SHMT2: variants seen among roughly 807,000 people sequenced by gnomAD.
SHMT2 encodes serine hydroxymethyltransferase 2.
A neutral mutation model predicts 59.6 loss-of-function variants in SHMT2; 38 were observed. The ratio of observed to expected loss-of-function variants is 0.64; its 90% CI spans 0.49 to 0.84. SHMT2 has a LOEUF of 0.84. SHMT2 is among the 40% of genes least tolerant of loss of function. SHMT2 has a pLI of 0.00. For synonymous variants in SHMT2, 254 were observed against 258.1 expected, an observed-to-expected ratio of 0.98 and a Z score of 0.15; for missense variants, 533 against 659.5, an observed-to-expected ratio of 0.81 and a Z score of 2.10.
chr12:57,230,573 T>G, intron 1 of SHMT2: 1 of 1,400,682 alleles, frequency 7.1e-7, no homozygotes, highest in Non-Finnish European at 9.3e-7. Flanking sequence ...GGTGGGAGAT[T>G]TCTGAGGTGC....
At chr12:57,231,196 A>G in intron 2 of SHMT2, 196 bp downstream of exon 2, 1 of 641,392 alleles carries the variant, frequency 1.6e-6, no homozygotes, top group Admixed American at 2.9e-5. Context: ...GGGAGCCTCC[A>G]GGGTCCCTAC....
chr12:57,232,322 C>T (rs746638857), intron 5 of SHMT2, 30 bp downstream of exon 5: 2 of 1,612,752 alleles, frequency 1.2e-6, no homozygotes, highest in Non-Finnish European at 1.7e-6. Context: ...GGGAGGGGCT[C>T]TTGGCCCTGG....
chr12:57,229,948 A>T, intron 1 of SHMT2, 137 bp downstream of exon 1: 1 of 1,482,272 alleles, frequency 6.7e-7, no homozygotes, highest in South Asian at 1.4e-5. Context: ...CGGACGTGTA[A>T]CTGGGGAATC....
Position 57,231,753 on chromosome 12 carries a change from C to G in SHMT2, c.352C>G (p.Leu118Val). ...GAEVVDEIELLCQRRALEAFD... is the reference protein window; with the variant it reads ...GAEVVDEIELVCQRRALEAFD... The stretch of plus-strand genomic sequence containing the variant: ...AGAGGTGGTGGATGAAATTGAGCTG[C>G]TGTGCCAGCGCCGGGCCTTGGAAGC... The change falls in exon 4 of 12, where the codon CTG (leucine) becomes GTG (valine). Residue 118 changes from leucine (L) to valine (V), a missense_variant. Physicochemically the swap from Leu to Val is conservative, Grantham distance 32 (BLOSUM62 1). Transcript: ENST00000328923. 1 of 1,614,182 alleles carries G rather than the reference C, an allele frequency of 6.2e-7. No individual in the cohort carries two copies. The highest frequency in any genetic ancestry group is 8.5e-7 in the Non-Finnish European group (1 of 1,180,036).
At chr12:57,232,989 C>T (rs1212947652) in intron 7 of SHMT2, 146 bp downstream of exon 7, 24 of 1,271,972 alleles carry the variant, frequency 1.9e-5, no homozygotes, top group Non-Finnish European at 1.5e-5. Context: ...CTTCTCTTGC[C>T]CATGGTGGCC....
In SHMT2 at chr12:57,233,771, G is replaced by A. The variant is rs1351112171; in HGVS notation, c.1146G>A (p.Val382=). 6.2e-7 allele frequency: 1 copy of A among 1,614,132 alleles called. No homozygotes were observed. Among genetic ancestry groups the A allele is most frequent in the African/African-American group, 1.3e-5 (1 of 74,954 alleles). Residue 382 remains valine, a synonymous_variant, in exon 10 of 12, where the codon GTG becomes GTA. Transcript: ENST00000328923. ...LVSGGTDNHL[V]LVDLRPKGLD... is the part of the protein sequence containing the mutation. ...TAGGTGGTACTGACAACCACCTGGT[G>A]CTGGTGGACCTGCGGCCCAAGGGCC...
intron 11 of SHMT2, 62 bp downstream of exon 11, chr12:57,234,172 C>A (rs964326364): frequency 1.9e-6 from 3 of 1,613,712 alleles, no homozygotes; most frequent in Middle Eastern, 1.6e-4. Flanking sequence ...CTCCCTCCCC[C>A]AGCTGATCTC....
rs764829768 is a variant in SHMT2, at chr12:57,231,521, G to A, written c.272G>A (p.Cys91Tyr). 3 of 1,614,234 alleles carry A rather than the reference G, an allele frequency of 1.9e-6. No homozygotes were observed. The highest frequency in any genetic ancestry group is 2.5e-6 in the Non-Finnish European group (3 of 1,180,036). The change falls in exon 3 of 12, where the codon TGT becomes TAT. Residue 91 changes from cysteine to tyrosine, a missense_variant. By Grantham distance (194) the Cys-to-Tyr change is radical (BLOSUM62 -2). Coordinates refer to ENST00000328923, the MANE Select transcript of SHMT2 (RefSeq NM_005412.6). ...SRAALEALGSCLNNKYSEGYP... is the reference protein window; with the variant it reads ...SRAALEALGSYLNNKYSEGYP... ...GCTGCGCTGGAGGCCCTGGGGTCCT[G>A]TCTGAACAACAAGTACTCGGAGGGT...
chr12:57,230,038 C>T (rs1393590676), intron 1 of SHMT2: 1 of 1,417,914 alleles, frequency 7.1e-7, no homozygotes. Context: ...GGCCTCGTGA[C>T]CGCCCATTTC....
In SHMT2 at chr12:57,234,033, G is replaced by A. The variant is rs189439132; in HGVS notation, c.1310G>A (p.Arg437His). Residue 437 changes from arginine to histidine, a missense_variant, in exon 11 of 12, where the codon CGT (arginine) becomes CAT (histidine). Coordinates refer to ENST00000328923, the MANE Select transcript of SHMT2 (RefSeq NM_005412.6). ...CCAGCCTTAACTTCTCGACAGTTCCGTGAGGATGACTTCCGGAGAGTTGTG... is the reference window on the plus strand; with the variant it reads ...CCAGCCTTAACTTCTCGACAGTTCCATGAGGATGACTTCCGGAGAGTTGTG... ...GAPALTSRQF[R>H]EDDFRRVVDF... 1,014 of 1,614,212 alleles carry A rather than the reference G, an allele frequency of 6.3e-4. 13 individuals are homozygous for A. The East Asian group carries it at 0.02, about 32-fold the overall frequency.
chr12:57,232,041 G>A lies in SHMT2; in HGVS notation c.512+128G>A, dbSNP rs551490616. 55 of 1,180,698 alleles carry A rather than the reference G, an allele frequency of 4.7e-5. 1 individual carries two copies. The South Asian group carries it at 7.0e-4, about 15-fold the overall frequency. The allele number at this position is 1,180,698 out of a possible 1,614,324, so 73.1% of individuals were successfully genotyped here. ...TTGCCCTGTCCTGCATGTCACAGTG[G>A]ATGAGGAAGATAAGATCCCAGTTAT... On this transcript the variant is annotated intron_variant, in intron 4 of 11. Transcript: ENST00000328923.
chr12:57,233,489 G>C, intron 8 of SHMT2, 74 bp from the exon 9 acceptor site: 1 of 1,530,040 alleles, frequency 6.5e-7, no homozygotes, highest in African/African-American at 1.4e-5. Context: ...GCTATGCTGA[G>C]GGTGCAGGGC....
intron 1 of SHMT2, 76 bp from the exon 2 acceptor site, chr12:57,230,727 G>A (rs2037278821): frequency 6.4e-7 from 1 of 1,554,762 alleles, no homozygotes; most frequent in South Asian, 1.2e-5. Flanking sequence ...TGTGGCCTTA[G>A]AAGCATGAGT....
chr12:57,233,250 A>C lies in SHMT2; in HGVS notation c.928A>C (p.Thr310Pro). Residue 310 changes from threonine to proline, a missense_variant, in exon 8 of 12, where the codon ACA becomes CCA. Physicochemically the swap from Thr to Pro is conservative, Grantham distance 38 (BLOSUM62 -1). Coordinates refer to ENST00000328923, the MANE Select transcript of SHMT2 (RefSeq NM_005412.6). The part of the protein sequence containing the change: ...DPKTGREIPY[T>P]FEDRINFAVF... ...CAAGACTGGCCGGGAGATCCCTTAC[A>C]CATTTGAGGACCGAATCAACTTTGC... 6.2e-7 allele frequency: 1 copy of C among 1,608,452 alleles called. No homozygotes were observed. The highest frequency in any genetic ancestry group is 1.3e-5 in the African/African-American group (1 of 74,814).
intron 7 of SHMT2, 100 bp from the exon 8 acceptor site, chr12:57,233,080 G>T: frequency 7.2e-7 from 1 of 1,388,392 alleles, no homozygotes; most frequent in Non-Finnish European, 9.8e-7. Context: ...AAGCCCACGT[G>T]AGCTGTGCCC....
In SHMT2 at chr12:57,232,771, A is replaced by G; in HGVS notation, c.785A>G (p.Lys262Arg). Residue 262 changes from lysine to arginine, a missense_variant, in exon 7 of 12, where the codon AAG becomes AGG. Physicochemically the swap from Lys to Arg is conservative, Grantham distance 26. Coordinates refer to ENST00000328923, the MANE Select transcript of SHMT2 (RefSeq NM_005412.6). ...CACATCAGTGGCCTGGTGGCTGCCA[A>G]GGTGATTCCCTCGCCTTTCAAGCAC... ...MAHISGLVAAKVIPSPFKHAD... is the reference protein window; with the variant it reads ...MAHISGLVAARVIPSPFKHAD... The G allele has an allele frequency of 6.2e-7, 1 of 1,613,688 alleles. No individual in the cohort carries two copies. The highest frequency in any genetic ancestry group is 2.2e-5 in the East Asian group (1 of 44,874).
At chr12:57,231,589 G>A (rs1207318273) in intron 3 of SHMT2, 29 bp downstream of exon 3, 3 of 1,613,486 alleles carry the variant, frequency 1.9e-6, no homozygotes, top group East Asian at 2.2e-5. Flanking sequence ...TGTCAGGGAT[G>A]GTGCTCCCAG....
rs376877128 is a variant in SHMT2, at chr12:57,233,996, G to C, written c.1280-7G>C. 4 of 1,614,064 alleles carry C rather than the reference G, an allele frequency of 2.5e-6. No individual in the cohort carries two copies. The highest frequency in any genetic ancestry group is 3.4e-6 in the Non-Finnish European group (4 of 1,180,036). ...ATGCTCATCCCTCCCCTTGTGCCTC[G>C]TTCCAGGGGCCCCAGCCTTAACTTC... is the stretch of plus-strand genomic sequence containing the variant. On this transcript the variant is annotated splice_region_variant and splice_polypyrimidine_tract_variant and intron_variant, in intron 10 of 11. Coordinates refer to ENST00000328923, the MANE Select transcript of SHMT2 (RefSeq NM_005412.6).
At chr12:57,230,471 G>A (rs1331974438) in intron 1 of SHMT2, 3 of 1,216,272 alleles carry the variant, frequency 2.5e-6, no homozygotes, top group Non-Finnish European at 3.1e-6. Flanking sequence ...CTGTGGGTGG[G>A]AAGGTTCTGG....
Sources: allele counts gnomAD v4.1 joint callset, GRCh38; gene constraint gnomAD v4.1.1; transcripts MANE v1.5; gene names NCBI Gene and HGNC (gene_info 2026-07-23, HGNC 2026-07-21).